CACNA1A: variants seen among roughly 807,000 people sequenced by gnomAD.
CACNA1A encodes the protein voltage-dependent P/Q-type calcium channel subunit alpha-1A.
In CACNA1A, 57 loss-of-function variants were observed where a neutral mutation model predicts 262.4. The ratio of observed to expected loss-of-function variants is 0.22; its 90% confidence interval spans 0.18 to 0.27. The LOEUF is 0.27. CACNA1A is among the 10% of genes least tolerant of loss of function. The pLI is 1.00. For synonymous variants in CACNA1A, 1,431 were observed against 1,419.3 expected (o/e 1.01, Z -0.18); for missense variants, 2,526 against 3,562.8 (o/e 0.71, Z 7.41).
At chr19:13,275,979 C>T (rs1224704019) in intron 23 of CACNA1A, 23 bp from the exon 24 acceptor site, 1 of 1,522,782 alleles carries the variant, frequency 6.6e-7, no homozygotes, top group African/African-American at 1.4e-5. Flanking sequence ...AGAGAGGGTG[C>T]TCAGAACCCC....
intron 3 of CACNA1A, among the ~76,000 whole-genome samples, chr19:13,433,485 T>TAAAAAAAAAAAAAAAAAAAAA (rs2060557447): frequency 1.3e-5 from 1 of 75,432 alleles, no homozygotes; most frequent in Non-Finnish European, 2.6e-5. Context: ...AAAAAAAAAG[T>TAAAAAAAAAAAAAAAAAAAAA]CAGCTGAAGA....
At chr19:13,492,297 G>T (rs1033306812) in intron 1 of CACNA1A, among the ~76,000 whole-genome samples, 1 of 152,156 alleles carries the variant, frequency 6.6e-6, no homozygotes, top group Non-Finnish European at 1.5e-5. Flanking sequence ...AGCCCACAGA[G>T]ATCTGGAAAA....
Position 13,457,399 on chromosome 19 carries a change from C to T in CACNA1A, c.294-2187G>A, listed in dbSNP as rs112609316. Among the ~76,000 whole-genome samples, 102 of 152,264 alleles carry T rather than the reference C, an allele frequency of 6.7e-4. No homozygotes were observed. The Middle Eastern group carries it at 0.01, about 15-fold the overall frequency. On this transcript the variant is annotated intron_variant, in intron 1 of 46. Transcript: ENST00000360228. The stretch of plus-strand genomic sequence containing the variant: ...CTCCAAGGTATAAACACAAAAGGAT[C>T]GTAAGACAGGTATTCCAACGAACAC...
At chr19:13,370,583 G>A (rs2059304514) in intron 4 of CACNA1A, among the ~76,000 whole-genome samples, 1 of 150,368 alleles carries the variant, frequency 6.7e-6, no homozygotes, top group Non-Finnish European at 1.5e-5. Flanking sequence ...GCACCATCAT[G>A]CCTGCTAATT....
chr19:13,444,402 G>A (rs74258419), intron 3 of CACNA1A, among the ~76,000 whole-genome samples: 19,194 of 152,120 alleles, frequency 0.13, 1,541 homozygotes, highest in East Asian at 0.26. Context: ...CAGGTGCATG[G>A]GGCAGGGGTG....
chr19:13,312,867 CATTTTT>C (rs2058060032), intron 11 of CACNA1A, 86 bp from the exon 12 acceptor site: 3 of 628,516 alleles, frequency 4.8e-6, no homozygotes, highest in Admixed American at 3.7e-5. Context: ...CTTTTATTAT[CATTTTT>C]AAACTTTTTA....
At chr19:13,462,536 G>A (rs1426504900) in intron 1 of CACNA1A, among the ~76,000 whole-genome samples, 1 of 152,208 alleles carries the variant, frequency 6.6e-6, no homozygotes, top group Non-Finnish European at 1.5e-5. Flanking sequence ...CATAATTACA[G>A]CTGCCTTGTT....
At chr19:13,221,149 C>T (rs1382636945) in intron 38 of CACNA1A, among the ~76,000 whole-genome samples, 2 of 149,644 alleles carry the variant, frequency 1.3e-5, no homozygotes, top group Non-Finnish European at 3.0e-5. Context: ...TCAGCACCTT[C>T]CCATGTGTGG....
At position 13,300,670 on chromosome 19, in the gene CACNA1A, G is replaced by A. The variant is rs967545664; in HGVS notation, c.2173-14C>T. The stretch of plus-strand genomic sequence containing the variant: ...CTCTTGCTCGTCCTAAAAGGCACGT[G>A]GAATCTTTGTTCACAAAACATGAAC... On this transcript the variant is annotated splice_polypyrimidine_tract_variant and intron_variant, in intron 17 of 46. Transcript: ENST00000360228. The A allele has an allele frequency of 5.0e-6, 8 of 1,602,868 alleles. No individual in the cohort carries two copies. Among genetic ancestry groups the A allele is most frequent in the South Asian group, 3.3e-5 (3 of 90,876 alleles).
intron 3 of CACNA1A, among the ~76,000 whole-genome samples, chr19:13,412,294 A>G (rs955561129): frequency 1.4e-4 from 22 of 152,108 alleles, no homozygotes; most frequent in African/African-American, 5.3e-4. Flanking sequence ...TCCTGGGCTC[A>G]AGCGATATCC....
intron 22 of CACNA1A, among the ~76,000 whole-genome samples, chr19:13,281,594 G>A (rs1004519285): frequency 6.6e-5 from 10 of 151,742 alleles, no homozygotes; most frequent in Non-Finnish European, 1.3e-4. Context: ...CAGATGCCAG[G>A]AGCACCTCCC....
At chr19:13,247,572 C>G (rs901158328) in intron 30 of CACNA1A, among the ~76,000 whole-genome samples, 1 of 151,910 alleles carries the variant, frequency 6.6e-6, no homozygotes, top group East Asian at 1.9e-4. Flanking sequence ...TGGTGGTGCG[C>G]GCCTGTAGTC....
intron 1 of CACNA1A, among the ~76,000 whole-genome samples, chr19:13,481,390 A>T (rs1160467565): frequency 6.6e-6 from 1 of 152,154 alleles, no homozygotes; most frequent in African/African-American, 2.4e-5. Context: ...GAAGGCAGGG[A>T]CCTGCTGGTC....
At chr19:13,423,889 T>C (rs2060356842) in intron 3 of CACNA1A, among the ~76,000 whole-genome samples, 1 of 152,122 alleles carries the variant, frequency 6.6e-6, no homozygotes, top group East Asian at 1.9e-4. Context: ...GAGAGATAAA[T>C]GAGGCTCTTT....
intron 27 of CACNA1A, 33 bp from the exon 28 acceptor site, chr19:13,257,584 C>A: frequency 6.7e-7 from 1 of 1,484,860 alleles, no homozygotes; most frequent in Non-Finnish European, 9.2e-7. Context: ...AGGGAAGGGG[C>A]AGGAAGGAGA....
intron 14 of CACNA1A, 26 bp from the exon 15 acceptor site, chr19:13,307,880 C>T (rs770666971): frequency 1.4e-5 from 22 of 1,606,408 alleles, no homozygotes; most frequent in East Asian, 4.5e-5. Flanking sequence ...AGACATTTCA[C>T]GTTGGCCCCA....
At chr19:13,397,064 T>C (rs1404374643) in intron 3 of CACNA1A, among the ~76,000 whole-genome samples, 1 of 152,204 alleles carries the variant, frequency 6.6e-6, no homozygotes, top group Non-Finnish European at 1.5e-5. Context: ...CTTCATGGCA[T>C]GGTCTTCTTT....
At chr19:13,221,212 T>TCTTTCTTTTC (rs2055203239) in intron 38 of CACNA1A, among the ~76,000 whole-genome samples, 1 of 40,918 alleles carries the variant, frequency 2.4e-5, no homozygotes, top group Non-Finnish European at 4.1e-5. Context: ...TCCCATTTGT[T>TCTTTCTTTTC]TTTTCTTTTC....
chr19:13,249,188 C>T (rs191899582), intron 30 of CACNA1A, among the ~76,000 whole-genome samples: 5 of 152,220 alleles, frequency 3.3e-5, no homozygotes, highest in Middle Eastern at 3.4e-3. Context: ...TGGTCTGAAA[C>T]GCCTGGGTTC....
Sources: gnomAD v4.1 joint callset for allele counts (sites outside exome capture counted in the v4.1 genomes callset) on GRCh38, gnomAD v4.1.1 for gene constraint, MANE v1.5 for transcripts, NCBI Gene and HGNC (gene_info 2026-07-23, HGNC 2026-07-21) for gene names.